RECK: variants seen among roughly 807,000 people sequenced by gnomAD.
The protein encoded by RECK is reversion inducing cysteine rich protein with kazal motifs.
Under a neutral mutation model 115.1 loss-of-function variants are expected in RECK, and 69 were observed. That is an observed-to-expected ratio of 0.60 (90% CI 0.49 to 0.73). RECK has a LOEUF of 0.73. Ranked by LOEUF, RECK falls within the 30% of genes least tolerant of loss-of-function variation. RECK has a pLI of 0.00. For missense variants in RECK, 1,047 were observed against 1,203.7 expected, an observed-to-expected ratio of 0.87 and a Z score of 1.93; for synonymous variants, 414 against 419.7, an observed-to-expected ratio of 0.99 and a Z score of 0.17.
At chr9:36,069,887 C>T (rs1822162658) in intron 6 of RECK, among the ~76,000 whole-genome samples, 1 of 152,096 alleles carries the variant, frequency 6.6e-6, no homozygotes, top group Admixed American at 6.6e-5. Flanking sequence ...TCAAAGAAGA[C>T]CAACGACTGA....
intron 4 of RECK, among the ~76,000 whole-genome samples, chr9:36,061,393 TAC>T (rs58265948): frequency 0.029 from 3,685 of 129,016 alleles, 57 homozygotes; most frequent in Middle Eastern, 0.053. Context: ...TGTAATTTTC[TAC>T]ACACACACAC....
At chr9:36,080,927 A>T (rs905147463) in intron 7 of RECK, among the ~76,000 whole-genome samples, 1 of 152,192 alleles carries the variant, frequency 6.6e-6, no homozygotes, top group African/African-American at 2.4e-5. Context: ...CATTCAACAG[A>T]CGTTGATTGA....
intron 4 of RECK, among the ~76,000 whole-genome samples, chr9:36,061,355 A>G (rs925686827): frequency 1.3e-5 from 2 of 149,104 alleles, no homozygotes; most frequent in African/African-American, 4.9e-5. Context: ...TCTCCTAGTT[A>G]TGCTTGTACC....
rs58611653 is a variant in RECK at position 36,052,308 on chromosome 9, T to C, written c.144T>C (p.Arg48=). 11,349 of 1,608,910 alleles carry C rather than the reference T, an allele frequency of 7.1e-3. 246 individuals are homozygous for C. Among genetic ancestry groups the C allele is most frequent in the East Asian group, 0.058 (2,604 of 44,822 alleles). The part of the protein sequence containing the change: ...CNHSKDNQMC[R]DVCEQIFSSK... ...ATTCAAAGGATAACCAAATGTGCCGTGATGTATGTGAACAGGTAAGATTAC... is the reference window on the plus strand; with the variant it reads ...ATTCAAAGGATAACCAAATGTGCCGCGATGTATGTGAACAGGTAAGATTAC... Residue 48 remains arginine, a synonymous_variant, in exon 2 of 21, where the codon CGT becomes CGC. Coordinates refer to ENST00000377966, the MANE Select transcript of RECK (RefSeq NM_021111.3).
At chr9:36,106,830 C>T (rs1823837962) in intron 13 of RECK, among the ~76,000 whole-genome samples, 1 of 151,806 alleles carries the variant, frequency 6.6e-6, no homozygotes, top group Admixed American at 6.6e-5. Flanking sequence ...AGGGGCCGGG[C>T]GCAGTGGCTC....
rs55678229 is a variant in RECK at position 36,089,967 on chromosome 9, T to TACACACACAC, written c.906-1169_906-1160dup. 5.0e-3 allele frequency among the ~76,000 whole-genome samples: 723 copies of TACACACACAC among 143,878 alleles called. 6 individuals are homozygous for TACACACACAC. The highest frequency in any genetic ancestry group is 0.015 in the African/African-American group (583 of 38,720). The allele number at this position is 143,878 out of a possible 152,430, so 94.4% of individuals were successfully genotyped here. On this transcript the variant is annotated intron_variant, in intron 9 of 20. Coordinates refer to ENST00000377966, the MANE Select transcript of RECK (RefSeq NM_021111.3). ...GGCAAAACCCCATCTCTACTAAAAA[T>TACACACACAC]ACACACACACACACACACACACACA...
In RECK at chr9:36,123,147, C is replaced by A; in HGVS notation, c.*102C>A. The A allele has an allele frequency of 1.2e-6, 1 of 829,554 alleles. No homozygotes were observed. The highest frequency in any genetic ancestry group is 1.9e-6 in the Non-Finnish European group (1 of 523,404). 51.4% of individuals were successfully genotyped at this position (829,554 alleles called of 1,614,324 possible). On this transcript the variant is annotated 3_prime_UTR_variant, in exon 21 of 21. Coordinates refer to ENST00000377966, the MANE Select transcript of RECK (RefSeq NM_021111.3). ...TAGTTGAATATTGGCCAAGGAAAGGCACATGTCACCTCTATTCGCCACACA... is the reference window on the plus strand; with the variant it reads ...TAGTTGAATATTGGCCAAGGAAAGGAACATGTCACCTCTATTCGCCACACA...
At chr9:36,054,591 C>T (rs1262563117) in intron 2 of RECK, among the ~76,000 whole-genome samples, 5 of 151,502 alleles carry the variant, frequency 3.3e-5, no homozygotes, top group East Asian at 1.9e-4. Flanking sequence ...TGATGAATTC[C>T]GTGGTGCCTA....
At chr9:36,122,413 T>C (rs917534626) in intron 20 of RECK, among the ~76,000 whole-genome samples, 1 of 152,066 alleles carries the variant, frequency 6.6e-6, no homozygotes, top group Non-Finnish European at 1.5e-5. Context: ...ATGAAAACAG[T>C]TGATTGATTA....
intron 14 of RECK, 43 bp from the exon 15 acceptor site, chr9:36,109,914 C>T: frequency 1.3e-6 from 2 of 1,539,102 alleles, no homozygotes; most frequent in East Asian, 2.3e-5. Flanking sequence ...CTCTATTTCT[C>T]AATGCATGAT....
intron 12 of RECK, among the ~76,000 whole-genome samples, chr9:36,104,296 A>G (rs7041798): frequency 0.037 from 1,285 of 34,516 alleles, 37 homozygotes; most frequent in African/African-American, 0.13. Context: ...GTGTGTGTAT[A>G]TATATATATA....
chr9:36,054,828 T>C (rs1343936042), intron 2 of RECK, among the ~76,000 whole-genome samples: 2 of 152,216 alleles, frequency 1.3e-5, no homozygotes, highest in Non-Finnish European at 2.9e-5. Context: ...CATTTGCCTA[T>C]GTTGTATTCA....
At chr9:36,037,717 G>T (rs79829237) in intron 1 of RECK, among the ~76,000 whole-genome samples, 8,434 of 151,830 alleles carry the variant, frequency 0.056, 369 homozygotes, top group Non-Finnish European at 0.08. Flanking sequence ...ATTGCTTCCC[G>T]CTTGCTGGCC....
intron 12 of RECK, among the ~76,000 whole-genome samples, chr9:36,102,954 TA>T (rs34000336): frequency 0.016 from 2,183 of 133,152 alleles, 18 homozygotes; most frequent in African/African-American, 0.022. Flanking sequence ...AGACTCTGTC[TA>T]AAAAAAAAAA....
chr9:36,093,789 A>G (rs927063738), intron 10 of RECK, among the ~76,000 whole-genome samples: 2 of 152,180 alleles, frequency 1.3e-5, no homozygotes, highest in South Asian at 4.1e-4. Flanking sequence ...AGAGAGACAC[A>G]CCTAGCACAT....
At chr9:36,052,135 T>C in intron 1 of RECK, 130 bp from the exon 2 acceptor site, 1 of 622,444 alleles carries the variant, frequency 1.6e-6, no homozygotes, top group Admixed American at 2.2e-5. Flanking sequence ...CAGTAAAGGT[T>C]TGTTGAGTTA....
intron 4 of RECK, among the ~76,000 whole-genome samples, chr9:36,063,518 C>T (rs1045767087): frequency 6.6e-6 from 1 of 152,000 alleles, no homozygotes; most frequent in Non-Finnish European, 1.5e-5. Context: ...ATGTTACCTA[C>T]CCAAGAGTGA....
At chr9:36,093,970 A>G (rs1823250471) in intron 10 of RECK, among the ~76,000 whole-genome samples, 1 of 152,276 alleles carries the variant, frequency 6.6e-6, no homozygotes, top group Non-Finnish European at 1.5e-5. Flanking sequence ...TAGTATCCTT[A>G]AAGTACTCAG....
intron 20 of RECK, 95 bp downstream of exon 20, chr9:36,121,783 G>A (rs2274522): frequency 0.073 from 96,187 of 1,322,148 alleles, 4,793 homozygotes; most frequent in South Asian, 0.19. Context: ...GGAAGGATCC[G>A]TGGGTGAGGG....
Sources: gnomAD v4.1 joint callset for allele counts (sites outside exome capture counted in the v4.1 genomes callset) on GRCh38, gnomAD v4.1.1 for gene constraint, MANE v1.5 for transcripts, NCBI Gene and HGNC (gene_info 2026-07-23, HGNC 2026-07-21) for gene names.